Variants in SYNE3 observed in about 807,000 individuals in gnomAD.
SYNE3 encodes the protein nesprin-3.
A neutral mutation model predicts 111.2 loss-of-function variants in SYNE3; 100 were observed. The ratio of observed to expected loss-of-function variants is 0.90; its 90% CI spans 0.77 to 1.06. The LOEUF (loss-of-function observed/expected upper bound fraction) is 1.06, where lower values mean the gene tolerates loss of function less well. Ranked by LOEUF, SYNE3 falls within the 50% of genes least tolerant of loss-of-function variation. The pLI, the probability that SYNE3 is intolerant of heterozygous loss-of-function variation, is 0.00. For missense variants in SYNE3, 1,160 were observed against 1,240.3 expected, an observed-to-expected ratio of 0.94 and a Z score of 0.97; for synonymous variants, 547 against 533.9, an observed-to-expected ratio of 1.02 and a Z score of -0.34.
At chr14:95,492,305 C>T (rs1241603781) in intron 1 of SYNE3, among the ~76,000 whole-genome samples, 1 of 152,176 alleles carries the variant, frequency 6.6e-6, no homozygotes, top group Non-Finnish European at 1.5e-5. Flanking sequence ...AACATATGTC[C>T]ACACAAAAAC....
rs889150041 is a variant in SYNE3, at chr14:95,500,684, A to G, written c.-15+15912T>C. Among the ~76,000 whole-genome samples, 15 of 152,100 alleles carry G rather than the reference A, an allele frequency of 9.9e-5. No homozygotes were observed. Among genetic ancestry groups the G allele is most frequent in the Non-Finnish European group, 1.5e-5 (1 of 68,018 alleles). On this transcript the variant is annotated intron_variant, in intron 1 of 17. Transcript: ENST00000682763. The surrounding 1 kb of genome is among the most constrained non-coding windows in gnomAD (Gnocchi z 4.7). ...ATGATTCCCGCTGATCCTCTCCCTG[A>G]CCACCCGTGGGACAGTGGCCAGCCA...
intron 1 of SYNE3, among the ~76,000 whole-genome samples, chr14:95,486,637 A>G (rs932534): frequency 0.66 from 100,384 of 152,006 alleles, 34,166 homozygotes; most frequent in African/African-American, 0.83. Context: ...CCAGCGGCCC[A>G]TGGACAGACG....
chr14:95,449,031 G>A (rs17092298), intron 8 of SYNE3, among the ~76,000 whole-genome samples: 43,444 of 152,036 alleles, frequency 0.29, 6,668 homozygotes, highest in African/African-American at 0.41. Flanking sequence ...CACTCTTTGT[G>A]TCTAAGAATC....
chr14:95,432,859 C>G (rs56232386), intron 16 of SYNE3, among the ~76,000 whole-genome samples: 1 of 152,016 alleles, frequency 6.6e-6, no homozygotes, highest in African/African-American at 2.4e-5. Context: ...ACCACCCACG[C>G]GGCCTCGGGC....
intron 17 of SYNE3, 21 bp downstream of exon 17, chr14:95,432,058 A>G (rs1885800247): frequency 6.2e-7 from 1 of 1,609,432 alleles, no homozygotes; most frequent in African/African-American, 1.3e-5. Context: ...AGCCGTGTGG[A>G]GCAGATGGCA....
At chr14:95,432,147 G>A (rs533004080) in intron 16 of SYNE3, 30 bp from the exon 17 acceptor site, 46 of 1,601,434 alleles carry the variant, frequency 2.9e-5, no homozygotes, top group Non-Finnish European at 3.9e-5. Context: ...GAGGAAAAGG[G>A]GGGAAAAAAA....
At chr14:95,511,549 AAAT>A (rs1289194268) in intron 1 of SYNE3, among the ~76,000 whole-genome samples, 2 of 151,542 alleles carry the variant, frequency 1.3e-5, no homozygotes, top group East Asian at 1.9e-4. Context: ...AAATACAAAA[AAAT>A]AATAATAATA....
At position 95,500,244 on chromosome 14, in the gene SYNE3, A is replaced by G. The variant is rs1890284871; in HGVS notation, c.-15+16352T>C. ...TTCACCTCCTTGGAGTCCAAGGTCG[A>G]CTGTTAACAGGCTGTACAGGTTATA... is the stretch of plus-strand genomic sequence containing the variant. On this transcript the variant is annotated intron_variant, in intron 1 of 17. Coordinates refer to ENST00000682763, the MANE Select transcript of SYNE3 (RefSeq NM_152592.6). The surrounding 1 kb of genome is among the most constrained non-coding windows in gnomAD (Gnocchi z 4.7). Among the ~76,000 whole-genome samples the G allele has an allele frequency of 6.6e-6, 1 of 152,178 alleles. No individual in the cohort carries two copies. Among genetic ancestry groups the G allele is most frequent in the Non-Finnish European group, 1.5e-5 (1 of 68,040 alleles).
rs1258698244 is a variant in SYNE3, at chr14:95,446,035, C to T, written c.1506G>A (p.Lys502=). 17 of 1,614,058 alleles carry T rather than the reference C, an allele frequency of 1.1e-5. No homozygotes were observed. The highest frequency in any genetic ancestry group is 1.4e-5 in the Non-Finnish European group (17 of 1,180,054). The stretch of plus-strand genomic sequence containing the variant: ...CAAAGATGCCAATCAGGAGGTCTTT[C>T]TTCAGCTGCAGCATCGTCAGCAGCT... ...LKELLTMLQL[K]KDLLIGIFGQ... Residue 502 remains lysine (K), a synonymous_variant, in exon 9 of 18, where the codon AAG becomes AAA. Transcript: ENST00000682763.
intron 3 of SYNE3, among the ~76,000 whole-genome samples, chr14:95,466,721 G>A (rs114048215): frequency 1.1e-4 from 16 of 152,326 alleles, no homozygotes; most frequent in African/African-American, 3.6e-4. Context: ...CCAGTCACCT[G>A]CAGAGCACTT....
intron 17 of SYNE3, chr14:95,429,857 G>C: frequency 1.2e-6 from 1 of 862,534 alleles, no homozygotes; most frequent in Non-Finnish European, 1.4e-6. Flanking sequence ...AGCAACATCA[G>C]CTGGACATGT....
At chr14:95,449,470 G>A (rs1008004380) in intron 8 of SYNE3, 10 of 985,480 alleles carry the variant, frequency 1.0e-5, no homozygotes, top group East Asian at 1.1e-4. Flanking sequence ...GAGCAGCCAT[G>A]CTGGGGCCAT....
rs1241900455 is a variant in SYNE3, at chr14:95,443,259, C to T, written c.1807G>A (p.Ala603Thr). ...GLQEEGLDLG[A>T]QMEAARPLVQ... ...AGAGGCCTTGCAGCCTCCATCTGTG[C>T]CCCCAAGTCCAGCCCCTCTTCCTGC... Residue 603 changes from alanine (A) to threonine (T), a missense_variant, in exon 11 of 18, where the codon GCA (alanine) becomes ACA (threonine). Ala to Thr is a moderately conservative substitution (Grantham distance 58, BLOSUM62 0). Transcript: ENST00000682763. 3 of 1,614,060 alleles carry T rather than the reference C, an allele frequency of 1.9e-6. No individual in the cohort carries two copies. The highest frequency in any genetic ancestry group is 2.5e-6 in the Non-Finnish European group (3 of 1,180,038).
chr14:95,455,645 G>A lies in SYNE3; in HGVS notation c.869C>T (p.Thr290Ile), dbSNP rs1423032381. ...EEQSAGVIRN[T>I]SPLGAEKITG... ...GATCTTCTCTGCACCCAAAGGAGAGGTGTTCCGAATGACACCCGCAGACTG... is the reference window on the plus strand; with the variant it reads ...GATCTTCTCTGCACCCAAAGGAGAGATGTTCCGAATGACACCCGCAGACTG... The change falls in exon 6 of 18, where the codon ACC becomes ATC. Residue 290 changes from threonine to isoleucine, a missense_variant. By Grantham distance (89) the Thr-to-Ile change is moderately conservative. Transcript: ENST00000682763. The A allele has an allele frequency of 6.2e-7, 1 of 1,614,198 alleles. No homozygotes were observed. Among genetic ancestry groups the A allele is most frequent in the East Asian group, 2.2e-5 (1 of 44,886 alleles).
intron 4 of SYNE3, among the ~76,000 whole-genome samples, chr14:95,460,119 A>G (rs78322788): frequency 0.071 from 10,836 of 152,238 alleles, 516 homozygotes; most frequent in Middle Eastern, 0.13. Context: ...CAACAACAAC[A>G]ACAAAAATTG....
chr14:95,498,599 G>A (rs1206695794), intron 1 of SYNE3, among the ~76,000 whole-genome samples: 1 of 152,218 alleles, frequency 6.6e-6, no homozygotes, highest in African/African-American at 2.4e-5. Context: ...AGTTACATGA[G>A]ACAGAAAAGG....
At chr14:95,433,130 G>C in intron 16 of SYNE3, 130 bp downstream of exon 16, 1 of 1,338,688 alleles carries the variant, frequency 7.5e-7, no homozygotes, top group Non-Finnish European at 1.0e-6. Flanking sequence ...TGCCTGAGTG[G>C]TCACCACTGT....
chr14:95,480,153 TTC>T (rs1415701995), intron 1 of SYNE3, among the ~76,000 whole-genome samples: 1 of 152,206 alleles, frequency 6.6e-6, no homozygotes, highest in Non-Finnish European at 1.5e-5. Context: ...AAAAAGTATT[TTC>T]TGTTTCCAAG....
At chr14:95,419,627 C>T (rs866956039) in intron 17 of SYNE3, among the ~76,000 whole-genome samples, 1 of 147,546 alleles carries the variant, frequency 6.8e-6, no homozygotes, top group Non-Finnish European at 1.5e-5. Context: ...GTGATAGTGA[C>T]CATGGCGATG....
Sources: gnomAD v4.1 joint callset for allele counts (sites outside exome capture counted in the v4.1 genomes callset) on GRCh38, gnomAD v4.1.1 for gene constraint, Gnocchi (gnomAD v3.1) non-coding constraint, MANE v1.5 for transcripts, NCBI Gene and HGNC (gene_info 2026-07-23, HGNC 2026-07-21) for gene names.